AK5: variants seen among roughly 807,000 people sequenced by gnomAD.
AK5 encodes the protein adenylate kinase isoenzyme 5.
A neutral mutation model predicts 69.5 loss-of-function variants in AK5; 27 were observed. The ratio of observed to expected loss-of-function variants is 0.39; its 90% confidence interval spans 0.29 to 0.54. The LOEUF is 0.54. Among genes scored for constraint, AK5 ranks in the 20% least tolerant of loss-of-function variants. AK5 has a pLI of 0.71. For missense variants in AK5, 531 were observed against 700.4 expected, an observed-to-expected ratio of 0.76 and a Z score of 2.73; for synonymous variants, 260 against 244.4, an observed-to-expected ratio of 1.06 and a Z score of -0.60.
At chr1:77,376,286 G>C (rs556531190) in intron 6 of AK5, among the ~76,000 whole-genome samples, 53 of 152,144 alleles carry the variant, frequency 3.5e-4, no homozygotes, top group African/African-American at 1.2e-3. Flanking sequence ...CATTCTCCCT[G>C]AGTGCAAATC....
chr1:77,370,625 CA>C (rs2100474215), intron 6 of AK5, among the ~76,000 whole-genome samples: 1 of 152,294 alleles, frequency 6.6e-6, no homozygotes, highest in South Asian at 2.1e-4. Flanking sequence ...ATGGAATGGA[CA>C]TGACATTCTT....
intron 12 of AK5, among the ~76,000 whole-genome samples, chr1:77,533,095 A>G (rs907336811): frequency 6.6e-6 from 1 of 152,228 alleles, no homozygotes; most frequent in Non-Finnish European, 1.5e-5. Context: ...TTTATATAGG[A>G]AGAGAGTGCT....
intron 7 of AK5, among the ~76,000 whole-genome samples, chr1:77,415,416 C>T (rs1156909483): frequency 1.3e-5 from 2 of 152,194 alleles, no homozygotes; most frequent in Non-Finnish European, 2.9e-5. Flanking sequence ...CCACATGAAT[C>T]ACTCTAAGTA....
At chr1:77,522,379 G>A (rs1440313135) in intron 12 of AK5, among the ~76,000 whole-genome samples, 2 of 152,140 alleles carry the variant, frequency 1.3e-5, no homozygotes, top group African/African-American at 4.8e-5. Flanking sequence ...AATTACTGAG[G>A]CCGAGAGGGA....
chr1:77,425,510 C>T (rs1182585930), intron 8 of AK5, among the ~76,000 whole-genome samples: 1 of 152,134 alleles, frequency 6.6e-6, no homozygotes, highest in Admixed American at 6.5e-5. Flanking sequence ...TTGCTTGAAA[C>T]CAGGAGGCGG....
intron 6 of AK5, among the ~76,000 whole-genome samples, chr1:77,403,322 T>G (rs1168022329): frequency 1.3e-5 from 2 of 152,208 alleles, no homozygotes. Context: ...TTGTCAATTT[T>G]GGCTTTTGTT....
rs1532507 is a variant in AK5 at position 77,417,727 on chromosome 1, C to T, written c.1059+12C>T. 191,712 of 1,508,818 alleles carry T rather than the reference C, an allele frequency of 0.13. 12,933 individuals are homozygous for T. Among genetic ancestry groups the T allele is most frequent in the Middle Eastern group, 0.19 (1,101 of 5,762 alleles). 93.5% of individuals were successfully genotyped at this position (1,508,818 alleles called of 1,614,324 possible). ...ATTATGAAGATCAGGTAATTAAAAT[C>T]TGAAAATAGTTCTCTATTTAAATGT... On this transcript the variant is annotated intron_variant, in intron 8 of 13. Coordinates refer to ENST00000354567, the MANE Select transcript of AK5 (RefSeq NM_174858.3).
intron 8 of AK5, chr1:77,420,427 G>A (rs966669457): frequency 2.0e-5 from 3 of 151,012 alleles, no homozygotes; most frequent in African/African-American, 7.3e-5. Flanking sequence ...TGAAAATGCA[G>A]TTACTATAAA....
intron 13 of AK5, among the ~76,000 whole-genome samples, chr1:77,550,912 C>G (rs376666281): frequency 3.3e-5 from 5 of 152,182 alleles, no homozygotes; most frequent in African/African-American, 1.2e-4. Context: ...GGCAGTGGCT[C>G]CCACCTGTAA....
intron 8 of AK5, among the ~76,000 whole-genome samples, chr1:77,429,640 G>A (rs1651459710): frequency 6.8e-6 from 1 of 146,836 alleles, no homozygotes; most frequent in African/African-American, 2.5e-5. Flanking sequence ...GTGTGTAGAT[G>A]TGGTTGGTGA....
intron 8 of AK5, among the ~76,000 whole-genome samples, chr1:77,427,305 A>G (rs1047351806): frequency 1.3e-5 from 2 of 152,124 alleles, no homozygotes; most frequent in Admixed American, 1.3e-4. Flanking sequence ...TATCAGAAAT[A>G]GAAGATGGGA....
intron 6 of AK5, among the ~76,000 whole-genome samples, chr1:77,365,061 A>G (rs890707089): frequency 1.3e-5 from 2 of 152,072 alleles, no homozygotes; most frequent in Non-Finnish European, 2.9e-5. Context: ...GATAACATTC[A>G]TGCTACCTGG....
chr1:77,491,195 A>T (rs1655970724), intron 10 of AK5, among the ~76,000 whole-genome samples: 1 of 152,048 alleles, frequency 6.6e-6, no homozygotes, highest in Non-Finnish European at 1.5e-5. Context: ...GGAAAACTGG[A>T]GTAATAAGAA....
chr1:77,351,208 A>AC (rs1347834267), intron 6 of AK5, among the ~76,000 whole-genome samples: 2 of 152,218 alleles, frequency 1.3e-5, no homozygotes, highest in Non-Finnish European at 2.9e-5. Flanking sequence ...AGCCTGGGCA[A>AC]CATGGCGAAA....
intron 10 of AK5, among the ~76,000 whole-genome samples, chr1:77,511,222 A>G (rs115822798): frequency 0.025 from 3,850 of 152,234 alleles, 74 homozygotes; most frequent in South Asian, 0.056. Flanking sequence ...TCTGATCCTT[A>G]TTGTGTGGAC....
chr1:77,362,796 C>A (rs1201720748), intron 6 of AK5, among the ~76,000 whole-genome samples: 1 of 152,104 alleles, frequency 6.6e-6, no homozygotes, highest in Admixed American at 6.6e-5. Context: ...TCAGTGTTGG[C>A]TGGTAATATA....
intron 6 of AK5, among the ~76,000 whole-genome samples, chr1:77,409,439 A>G (rs1649885958): frequency 6.6e-6 from 1 of 152,104 alleles, no homozygotes; most frequent in Non-Finnish European, 1.5e-5. Context: ...TCTGATTGCT[A>G]TGAGATGGTA....
At chr1:77,493,329 C>CA (rs1025984539) in intron 10 of AK5, among the ~76,000 whole-genome samples, 1 of 107,448 alleles carries the variant, frequency 9.3e-6, no homozygotes, top group African/African-American at 4.1e-5. Context: ...ACACCAGCAG[C>CA]CCCCCCCAGG....
chr1:77,426,465 G>A (rs1325907526), intron 8 of AK5, among the ~76,000 whole-genome samples: 1 of 152,140 alleles, frequency 6.6e-6, no homozygotes, highest in Admixed American at 6.5e-5. Flanking sequence ...TAACAACTAA[G>A]CATCAAAACA....
Sources: gnomAD v4.1 joint callset for allele counts (sites outside exome capture counted in the v4.1 genomes callset) on GRCh38, gnomAD v4.1.1 for gene constraint, MANE v1.5 for transcripts, NCBI Gene and HGNC (gene_info 2026-07-23, HGNC 2026-07-21) for gene names.